Variants in RHOU observed in about 807,000 individuals in gnomAD.
The protein encoded by RHOU is rho-related GTP-binding protein RhoU.
In RHOU, 8 loss-of-function variants were observed where a neutral mutation model predicts 12.6. That is an observed-to-expected ratio of 0.64 (90% CI 0.37 to 1.15). The LOEUF (loss-of-function observed/expected upper bound fraction) is 1.15. Ranked by LOEUF, RHOU falls within the 50% of genes most tolerant of loss-of-function variation. The pLI is 0.01. For synonymous variants in RHOU, 161 were observed against 147.4 expected, an observed-to-expected ratio of 1.09 and a Z score of -0.67; for missense variants, 258 against 347.0, an observed-to-expected ratio of 0.74 and a Z score of 2.04.
chr1:228,646,819 G>T, the RHOU span, among the ~76,000 whole-genome samples: 4 of 151,844 alleles, frequency 2.6e-5, no homozygotes, highest in African/African-American at 7.2e-5. Context: ...CACACACACG[G>T]TGAAACACAG....
At chr1:228,710,460 C>T in the RHOU span, among the ~76,000 whole-genome samples, 1 of 152,090 alleles carries the variant, frequency 6.6e-6, no homozygotes, top group Admixed American at 6.5e-5. Context: ...AGCTTATCCA[C>T]CATGATCAAG....
chr1:228,735,695 G>A lies in RHOU; in HGVS notation c.-48G>A. The stretch of plus-strand genomic sequence containing the variant: ...AACCCTCCGGGGCGGAGGGGCGGTC[G>A]GGCCGGGCCCTGCTAGCCCGCGACC... On this transcript the variant is annotated 5_prime_UTR_variant, in exon 1 of 3. Transcript: ENST00000366691. This position sits in a 1 kb window ranked among gnomAD's most constrained non-coding sequence, Gnocchi z 8.1. 8.4e-7 allele frequency: 1 copy of A among 1,186,366 alleles called. No individual in the cohort carries two copies. The highest frequency in any genetic ancestry group is 1.0e-6 in the Non-Finnish European group (1 of 958,510). The allele number at this position is 1,186,366 out of a possible 1,614,324, so 73.5% of individuals were successfully genotyped here.
chr1:228,686,708 C>T, the RHOU span, among the ~76,000 whole-genome samples: 3 of 152,170 alleles, frequency 2.0e-5, no homozygotes, highest in South Asian at 6.2e-4. Flanking sequence ...AAATTCCTAA[C>T]TTTTAAAGCC....
the RHOU span, chr1:228,651,253 G>T: frequency 4.9e-6 from 1 of 202,630 alleles, no homozygotes; most frequent in South Asian, 1.1e-4. Flanking sequence ...GCCATTTGCA[G>T]ACATTTAGCC....
chr1:228,717,669 G>C, the RHOU span, among the ~76,000 whole-genome samples: 4 of 152,206 alleles, frequency 2.6e-5, no homozygotes, highest in Non-Finnish European at 5.9e-5. Context: ...CTTGATGTAG[G>C]AAAAAGTTGA....
chr1:228,655,803 A>G, the RHOU span, among the ~76,000 whole-genome samples: 1 of 152,244 alleles, frequency 6.6e-6, no homozygotes, highest in African/African-American at 2.4e-5. Flanking sequence ...GTCAGAAACA[A>G]AATGAAGTCA....
chr1:228,707,127 C>CATATATATATATATATATATATAT, the RHOU span, among the ~76,000 whole-genome samples: 1 of 76,794 alleles, frequency 1.3e-5, no homozygotes, highest in Non-Finnish European at 2.4e-5. Context: ...TATATATATA[C>CATATATATATATATATATATATAT]ATATATATAT....
the RHOU span, among the ~76,000 whole-genome samples, chr1:228,671,723 A>C: frequency 1.3e-5 from 2 of 151,508 alleles, no homozygotes; most frequent in Admixed American, 1.3e-4. Flanking sequence ...AAAAAAAAAA[A>C]AAAAAAAAAA....
chr1:228,734,383 C>T (rs1358014928), upstream of RHOU, among the ~76,000 whole-genome samples: 2 of 152,022 alleles, frequency 1.3e-5, no homozygotes, highest in Non-Finnish European at 2.9e-5. Context: ...ATTTTTGCCT[C>T]CAGGATTTTG....
chr1:228,725,908 T>C, the RHOU span, among the ~76,000 whole-genome samples: 5 of 152,170 alleles, frequency 3.3e-5, no homozygotes, highest in Non-Finnish European at 7.4e-5. Flanking sequence ...AGCAGGCACA[T>C]GCATAAAAAT....
chr1:228,712,377 A>T, the RHOU span, among the ~76,000 whole-genome samples: 1 of 151,488 alleles, frequency 6.6e-6, no homozygotes, highest in South Asian at 2.1e-4. Flanking sequence ...TTATTGCGGC[A>T]TTATTCACAA....
chr1:228,696,133 A>G, the RHOU span, among the ~76,000 whole-genome samples: 1 of 152,180 alleles, frequency 6.6e-6, no homozygotes, highest in Non-Finnish European at 1.5e-5. Context: ...TGAACAAACT[A>G]ATAGTAGTTT....
chr1:228,673,555 C>G, the RHOU span, among the ~76,000 whole-genome samples: 1 of 152,162 alleles, frequency 6.6e-6, no homozygotes, highest in African/African-American at 2.4e-5. Flanking sequence ...TTCCTCCCTG[C>G]TGTTCTTGTG....
rs1438210908 is a variant in RHOU, at chr1:228,735,922, G to A, written c.180G>A (p.Val60=). Residue 60 remains valine (V), a synonymous_variant, in exon 1 of 3, where the codon GTG becomes GTA. Coordinates refer to ENST00000366691, the MANE Select transcript of RHOU (RefSeq NM_021205.6). The surrounding 1 kb of genome is among the most constrained non-coding windows in gnomAD (Gnocchi z 8.1). ...GCGTGCTGGTCGGCGACGGCGCGGTGGGCAAGACGAGCCTGGTGGTGAGCT... is the reference window on the plus strand; with the variant it reads ...GCGTGCTGGTCGGCGACGGCGCGGTAGGCAAGACGAGCCTGGTGGTGAGCT... ...VKCVLVGDGA[V]GKTSLVVSYT... is the part of the protein sequence containing the mutation. The A allele has an allele frequency of 3.2e-6, 5 of 1,567,818 alleles. No homozygotes were observed. Among genetic ancestry groups the A allele is most frequent in the Non-Finnish European group, 4.3e-6 (5 of 1,161,038 alleles).
the RHOU span, among the ~76,000 whole-genome samples, chr1:228,688,757 G>A: frequency 6.6e-6 from 1 of 152,172 alleles, no homozygotes; most frequent in African/African-American, 2.4e-5. Context: ...GTCCAAAATG[G>A]TGCTTTTCTC....
chr1:228,646,359 G>A, the RHOU span, among the ~76,000 whole-genome samples: 1 of 3,866 alleles, frequency 2.6e-4, no homozygotes, highest in South Asian at 4.5e-3. Flanking sequence ...GCTCCGAGGC[G>A]TCAGGGCCCA....
chr1:228,737,780 A>C lies in RHOU; in HGVS notation c.321+49A>C, dbSNP rs1175667977. 5 of 1,583,708 alleles carry C rather than the reference A, an allele frequency of 3.2e-6. No individual in the cohort carries two copies. Among genetic ancestry groups the C allele is most frequent in the Non-Finnish European group, 8.7e-7 (1 of 1,152,470 alleles). On this transcript the variant is annotated intron_variant, in intron 2 of 2. Transcript: ENST00000366691. This position sits in a 1 kb window ranked among gnomAD's most constrained non-coding sequence, Gnocchi z 4.1. ...TGCTGGGAAAGGAAACAGCCTTTTAAAGATTTCCAAATAACCTTTGATTCC... is the reference window on the plus strand; with the variant it reads ...TGCTGGGAAAGGAAACAGCCTTTTACAGATTTCCAAATAACCTTTGATTCC...
chr1:228,657,608 A>G, the RHOU span, among the ~76,000 whole-genome samples: 1 of 152,222 alleles, frequency 6.6e-6, no homozygotes, highest in Non-Finnish European at 1.5e-5. Context: ...CCTACTGGTA[A>G]TAATGGATAG....
At chr1:228,672,175 A>T in the RHOU span, among the ~76,000 whole-genome samples, 1 of 152,192 alleles carries the variant, frequency 6.6e-6, no homozygotes, top group African/African-American at 2.4e-5. Context: ...ATACACACAT[A>T]CATGTTTTTG....
Sources: allele counts gnomAD v4.1 joint callset (sites outside exome capture counted in the v4.1 genomes callset), GRCh38; gene constraint gnomAD v4.1.1; non-coding constraint Gnocchi (gnomAD v3.1); transcripts MANE v1.5; gene names NCBI Gene and HGNC (gene_info 2026-07-23, HGNC 2026-07-21).